RARB: variants seen among roughly 807,000 people sequenced by gnomAD.
The protein encoded by RARB is retinoic acid receptor beta, also known as HBV-activated protein.
Under a neutral mutation model 51.9 loss-of-function variants are expected in RARB, and 17 were observed. That is an observed-to-expected ratio of 0.33 (90% confidence interval 0.22 to 0.49). The LOEUF is 0.49. RARB is among the 20% of genes least tolerant of loss of function. The pLI, the probability that RARB is intolerant of heterozygous loss-of-function variation, is 0.99. For missense variants in RARB, 369 were observed against 550.8 expected (o/e 0.67, Z 3.30); for synonymous variants, 215 against 195.4 (o/e 1.10, Z -0.84).
chr3:25,193,467 A>C (rs962096059), intron 5 of RARB, among the ~76,000 whole-genome samples: 7 of 152,072 alleles, frequency 4.6e-5, no homozygotes, highest in African/African-American at 1.7e-4. Flanking sequence ...AAGATACTTC[A>C]TTGTACCCAT....
chr3:25,287,903 C>T (rs532751613), intron 5 of RARB, among the ~76,000 whole-genome samples: 1 of 152,034 alleles, frequency 6.6e-6, no homozygotes, highest in Non-Finnish European at 1.5e-5. Context: ...TGATCTTAAA[C>T]ATTCAGACGC....
At chr3:24,884,420 C>T (rs909609223) in intron 2 of RARB, among the ~76,000 whole-genome samples, 1 of 152,096 alleles carries the variant, frequency 6.6e-6, no homozygotes, top group Non-Finnish European at 1.5e-5. Context: ...ATGCATGCAA[C>T]AGGGGTGGAA....
At chr3:24,995,642 T>C (rs1301668149) in intron 2 of RARB, among the ~76,000 whole-genome samples, 6 of 152,042 alleles carry the variant, frequency 3.9e-5, no homozygotes, top group African/African-American at 1.4e-4. Context: ...AGCGCTTTCT[T>C]TCCATCCCTA....
chr3:25,183,556 A>G (rs1373869304), intron 5 of RARB, among the ~76,000 whole-genome samples: 5 of 152,298 alleles, frequency 3.3e-5, no homozygotes, highest in Non-Finnish European at 1.5e-5. Context: ...AAAACCATTC[A>G]TATTACAAGT....
chr3:25,158,338 A>G (rs768561522), intron 4 of RARB, among the ~76,000 whole-genome samples: 10 of 152,252 alleles, frequency 6.6e-5, no homozygotes, highest in South Asian at 2.1e-4. Context: ...TTATTTTTCA[A>G]TAGTTCCATG....
intron 5 of RARB, among the ~76,000 whole-genome samples, chr3:25,200,320 T>G: frequency 6.6e-6 from 1 of 151,860 alleles, no homozygotes; most frequent in East Asian, 1.9e-4. Flanking sequence ...TTGTTTGAGT[T>G]CTCTGTAGAT....
intron 5 of RARB, among the ~76,000 whole-genome samples, chr3:25,320,586 T>C (rs1704543954): frequency 6.6e-6 from 1 of 152,240 alleles, no homozygotes; most frequent in Non-Finnish European, 1.5e-5. Context: ...TTGTTCCTCA[T>C]GTCAAATATT....
Position 25,306,311 on chromosome 3 carries a change from G to A in RARB, c.178+131736G>A, listed in dbSNP as rs192102783. 1.9e-4 allele frequency among the ~76,000 whole-genome samples: 29 copies of A among 152,220 alleles called. No homozygotes were observed. In the East Asian group the frequency reaches 5.0e-3, roughly 26 times the overall value. On this transcript the variant is annotated intron_variant, in intron 5 of 11. Transcript: ENST00000383772. ...GGTAATCAGGACTTGTCAGCACCTC[G>A]GTTATGCAGGATGGTTCAATCCGAT...
chr3:25,205,080 G>A (rs933636686), intron 5 of RARB, among the ~76,000 whole-genome samples: 29 of 152,130 alleles, frequency 1.9e-4, no homozygotes, highest in African/African-American at 6.3e-4. Flanking sequence ...TACCCGGTTC[G>A]AGCTTCCTGG....
chr3:24,975,657 AAC>A (rs999666231), intron 2 of RARB, among the ~76,000 whole-genome samples: 1 of 152,156 alleles, frequency 6.6e-6, no homozygotes, highest in Non-Finnish European at 1.5e-5. Context: ...ATAATTTTTA[AAC>A]AGTTTTATTT....
chr3:25,439,618 A>C (rs946794876), intron 1 of RARB, among the ~76,000 whole-genome samples: 1 of 152,064 alleles, frequency 6.6e-6, no homozygotes, highest in African/African-American at 2.4e-5. Context: ...GGCTGGTCTT[A>C]AACTCCTGGG....
chr3:25,529,996 C>T (rs148965898), intron 3 of RARB, among the ~76,000 whole-genome samples: 39 of 152,234 alleles, frequency 2.6e-4, no homozygotes, highest in African/African-American at 8.4e-4. Flanking sequence ...GGCCCCTGCT[C>T]GCCTCCCCTC....
chr3:25,203,889 A>G (rs1420218173), intron 5 of RARB, among the ~76,000 whole-genome samples: 1 of 151,922 alleles, frequency 6.6e-6, no homozygotes, highest in Non-Finnish European at 1.5e-5. Context: ...TCAATTATGA[A>G]TCTGACAATT....
At chr3:25,408,323 G>A (rs970647926) in intron 5 of RARB, among the ~76,000 whole-genome samples, 1 of 152,032 alleles carries the variant, frequency 6.6e-6, no homozygotes, top group East Asian at 1.9e-4. Context: ...AGTAGCCTCA[G>A]GAAACTTACA....
intron 2 of RARB, among the ~76,000 whole-genome samples, chr3:24,965,513 T>C (rs189731912): frequency 6.6e-5 from 10 of 152,272 alleles, no homozygotes; most frequent in Non-Finnish European, 4.4e-5. Flanking sequence ...AGAGGTGATA[T>C]TTTATGACCA....
At chr3:24,897,438 A>T (rs928102751) in intron 2 of RARB, among the ~76,000 whole-genome samples, 2 of 152,172 alleles carry the variant, frequency 1.3e-5, no homozygotes, top group African/African-American at 2.4e-5. Flanking sequence ...TGGCTCCCGG[A>T]CTGAAATATC....
intron 5 of RARB, among the ~76,000 whole-genome samples, chr3:25,208,125 C>T (rs1295561889): frequency 6.6e-6 from 1 of 152,120 alleles, no homozygotes; most frequent in African/African-American, 2.4e-5. Context: ...GGTGCTAAAC[C>T]ATTCATGAGA....
chr3:24,972,146 C>T (rs73143031), intron 2 of RARB, among the ~76,000 whole-genome samples: 2,984 of 152,078 alleles, frequency 0.02, 86 homozygotes, highest in African/African-American at 0.068. Flanking sequence ...AGCCTACCTT[C>T]CTCCCTACGC....
chr3:25,173,695 G>T (rs1213362117), intron 4 of RARB, among the ~76,000 whole-genome samples: 2 of 152,178 alleles, frequency 1.3e-5, no homozygotes, highest in East Asian at 3.8e-4. Flanking sequence ...TACATACTCA[G>T]GGTCTATCCC....
Sources: allele counts gnomAD v4.1 joint callset (sites outside exome capture counted in the v4.1 genomes callset), GRCh38; gene constraint gnomAD v4.1.1; transcripts MANE v1.5; gene names NCBI Gene and HGNC (gene_info 2026-07-23, HGNC 2026-07-21).